Variants in PECR observed in about 807,000 individuals in gnomAD.
PECR encodes the protein 2,4-dienoyl-CoA reductase-related protein.
A neutral mutation model predicts 35.3 loss-of-function variants in PECR; 30 were observed. The observed-to-expected ratio is 0.85, with a 90% CI of 0.64 to 1.15. The LOEUF (loss-of-function observed/expected upper bound fraction) is 1.15, where lower values mean the gene tolerates loss of function less well. Ranked by LOEUF, PECR falls within the 50% of genes most tolerant of loss-of-function variation. PECR has a pLI of 0.00. For synonymous variants in PECR, 148 were observed against 138.9 expected (o/e 1.07, Z -0.46); for missense variants, 392 against 370.8 (o/e 1.06, Z -0.47).
At chr2:216,077,229 G>C (rs1264077208) in intron 1 of PECR, among the ~76,000 whole-genome samples, 1 of 151,992 alleles carries the variant, frequency 6.6e-6, no homozygotes, top group Non-Finnish European at 1.5e-5. Flanking sequence ...ATATTTGCCG[G>C]GGTGCCGAGG....
intron 7 of PECR, among the ~76,000 whole-genome samples, chr2:216,030,880 T>G (rs1358493575): frequency 6.6e-6 from 1 of 151,216 alleles, no homozygotes; most frequent in African/African-American, 2.4e-5. Context: ...TGTGGGCAAT[T>G]TATTTCGGCA....
intron 3 of PECR, among the ~76,000 whole-genome samples, chr2:216,064,707 C>T (rs573186539): frequency 1.1e-4 from 16 of 152,160 alleles, no homozygotes; most frequent in Non-Finnish European, 2.2e-4. Flanking sequence ...TCTGCAAGAC[C>T]TCTGACTTGT....
intron 3 of PECR, among the ~76,000 whole-genome samples, chr2:216,059,330 T>C (rs1169477645): frequency 1.3e-5 from 2 of 152,246 alleles, no homozygotes; most frequent in Admixed American, 1.3e-4. Context: ...GAAAATCTAA[T>C]GTAAAGTGAA....
chr2:216,039,065 C>T lies in PECR; in HGVS notation c.*210G>A. On this transcript the variant is annotated 3_prime_UTR_variant, in exon 8 of 8. Transcript: ENST00000265322. ...CATTAAAATATGTTAATTTCTGTTA[C>T]TTATACATTTTTAAATCATAGGTTA... 1 of 425,284 alleles carries T rather than the reference C, an allele frequency of 2.4e-6. No individual in the cohort carries two copies. The highest frequency in any genetic ancestry group is 3.2e-5 in the South Asian group (1 of 31,406). The allele number at this position is 425,284 out of a possible 1,614,324, so 26.3% of individuals were successfully genotyped here.
At chr2:216,048,347 T>A (rs1695036473) in intron 6 of PECR, among the ~76,000 whole-genome samples, 1 of 147,408 alleles carries the variant, frequency 6.8e-6, no homozygotes, top group Non-Finnish European at 1.5e-5. Flanking sequence ...AGTGCTGGGA[T>A]TACAGGCATG....
intron 1 of PECR, among the ~76,000 whole-genome samples, chr2:216,070,739 G>A (rs959452850): frequency 6.6e-6 from 1 of 152,194 alleles, no homozygotes; most frequent in African/African-American, 2.4e-5. Context: ...GGTAGAAAGA[G>A]CAGGGAGGAG....
Position 216,048,131 on chromosome 2 carries a change from G to A in PECR, c.714+1132C>T, listed in dbSNP as rs181228049. Among the ~76,000 whole-genome samples, 707 of 151,900 alleles carry A rather than the reference G, an allele frequency of 4.7e-3. 9 individuals carry two copies. Among genetic ancestry groups the A allele is most frequent in the African/African-American group, 0.016 (663 of 41,442 alleles). On this transcript the variant is annotated intron_variant, in intron 6 of 7. Transcript: ENST00000265322. ...GCTCTGTCGCCCAGGCTGGAGTGCA[G>A]TGGTGCAATCTCAGCTCACTGCAAG...
intron 1 of PECR, among the ~76,000 whole-genome samples, chr2:216,068,909 C>A (rs1484518068): frequency 6.9e-6 from 1 of 144,308 alleles, no homozygotes; most frequent in African/African-American, 2.6e-5. Context: ...CTATTCAGAT[C>A]TCTTTAAAGG....
intron 4 of PECR, 139 bp downstream of exon 4, chr2:216,058,756 A>C: frequency 1.6e-6 from 1 of 615,920 alleles, no homozygotes; most frequent in Non-Finnish European, 2.9e-6. Flanking sequence ...GTTCAAATAA[A>C]ATAAAATGTT....
At chr2:216,059,281 C>T (rs943228408) in intron 3 of PECR, among the ~76,000 whole-genome samples, 2 of 152,236 alleles carry the variant, frequency 1.3e-5, no homozygotes, top group Admixed American at 1.3e-4. Flanking sequence ...CAGGTAAACA[C>T]TCATCTTTCT....
At chr2:216,071,815 T>A (rs542031232) in intron 1 of PECR, among the ~76,000 whole-genome samples, 1 of 152,316 alleles carries the variant, frequency 6.6e-6, no homozygotes, top group Non-Finnish European at 1.5e-5. Context: ...TCTCTATTTG[T>A]CCCTGCAGGC....
At chr2:216,060,049 C>T (rs144212153) in intron 3 of PECR, among the ~76,000 whole-genome samples, 3,138 of 152,240 alleles carry the variant, frequency 0.021, 60 homozygotes, top group Non-Finnish European at 0.03. Context: ...TTATTTAAAT[C>T]TTCTTTGATT....
rs1315072137 is a variant in PECR, at chr2:216,039,186, C to T, written c.*89G>A. ...ACTTAAAAATAAGAAAAATGTTTTC[C>T]ATACCAACTATAAGCTTTTAAAAAG... On this transcript the variant is annotated 3_prime_UTR_variant, in exon 8 of 8. Transcript: ENST00000265322. 1.3e-6 allele frequency: 1 copy of T among 785,606 alleles called. No individual in the cohort carries two copies. The highest frequency in any genetic ancestry group is 2.5e-5 in the East Asian group (1 of 40,562). The allele number at this position is 785,606 out of a possible 1,614,324, so 48.7% of individuals were successfully genotyped here. A position where few individuals can be genotyped will look rare whatever the true frequency, so the allele number is the denominator to read the frequency against.
intron 7 of PECR, among the ~76,000 whole-genome samples, chr2:216,029,261 C>T (rs1177818321): frequency 6.6e-6 from 1 of 152,132 alleles, no homozygotes; most frequent in African/African-American, 2.4e-5. Flanking sequence ...AGGCAGATCA[C>T]GAGGTCAAGA....
Position 216,039,144 on chromosome 2 carries a change from T to C in PECR, c.*131A>G, listed in dbSNP as rs912632316. The stretch of plus-strand genomic sequence containing the variant: ...ATATATTTCAGGAATAGTTTTTCCA[T>C]AGATATAATTAATAACACTTAAAAA... On this transcript the variant is annotated 3_prime_UTR_variant, in exon 8 of 8. Transcript: ENST00000265322. The C allele has an allele frequency of 3.0e-6, 2 of 660,952 alleles. No individual in the cohort carries two copies. The highest frequency in any genetic ancestry group is 5.5e-6 in the Non-Finnish European group (2 of 362,866). The allele number at this position is 660,952 out of a possible 1,614,324, so 40.9% of individuals were successfully genotyped here.
rs199895982 is a variant in PECR at position 216,067,559 on chromosome 2, TTTTC to T, written c.125-1045_125-1042del. On this transcript the variant is annotated intron_variant, in intron 1 of 7. Transcript: ENST00000265322. Reference sequence around the variant, plus strand: ...TCAAGAATATATACATATTTTTTCTTTTTCTTTTTTTTTTTTGAGACGGAGTCTC... The same window carrying T: ...TCAAGAATATATACATATTTTTTCTTTTTTTTTTTTTTGAGACGGAGTCTC... Among the ~76,000 whole-genome samples, 742 of 151,204 alleles carry T rather than the reference TTTTC, an allele frequency of 4.9e-3. 6 individuals are homozygous for T. Among genetic ancestry groups the T allele is most frequent in the African/African-American group, 0.017 (704 of 41,324 alleles).
At chr2:216,041,996 T>C (rs1559207316) in intron 7 of PECR, among the ~76,000 whole-genome samples, 1 of 152,180 alleles carries the variant, frequency 6.6e-6, no homozygotes, top group Non-Finnish European at 1.5e-5. Context: ...ATCGAAGTGT[T>C]TTCCTGAGTT....
chr2:216,069,357 A>T (rs968859203), intron 1 of PECR, among the ~76,000 whole-genome samples: 2 of 152,242 alleles, frequency 1.3e-5, no homozygotes, highest in African/African-American at 4.8e-5. Flanking sequence ...TCTTTCAACA[A>T]GAAACCCAAG....
chr2:216,065,903 T>A (rs936423615), intron 2 of PECR, among the ~76,000 whole-genome samples: 2 of 152,230 alleles, frequency 1.3e-5, no homozygotes, highest in Non-Finnish European at 2.9e-5. Context: ...GGCAGGCAGA[T>A]CACCTGAGGT....
Sources: gnomAD v4.1 joint callset for allele counts (sites outside exome capture counted in the v4.1 genomes callset) on GRCh38, gnomAD v4.1.1 for gene constraint, MANE v1.5 for transcripts, NCBI Gene and HGNC (gene_info 2026-07-23, HGNC 2026-07-21) for gene names.